TEX11: variants seen among roughly 807,000 people sequenced by gnomAD.
TEX11 encodes the protein testis expressed 11, also known as testis-expressed protein 11.
TEX11 carries 7 observed loss-of-function variants against 84.4 expected under a neutral mutation model. That is an observed-to-expected ratio of 0.08 (90% confidence interval 0.05 to 0.16). The LOEUF (loss-of-function observed/expected upper bound fraction) is 0.16, where lower values mean the gene tolerates loss of function less well. Among genes scored for constraint, TEX11 ranks in the 10% least tolerant of loss-of-function variants. The pLI is 1.00. For synonymous variants in TEX11, 264 were observed against 222.8 expected (o/e 1.18, Z -1.64); for missense variants, 551 against 660.5 (o/e 0.83, Z 1.82).
At chrX:70,745,791 C>T (rs1241552779) in intron 9 of TEX11, among the ~76,000 whole-genome samples, 1 of 111,948 alleles carries the variant, frequency 8.9e-6, no homozygotes, top group Non-Finnish European at 1.9e-5. Context: ...AACTACCAAA[C>T]TGAGTTTTCA....
chrX:70,710,176 T>C (rs1458178473), intron 13 of TEX11, among the ~76,000 whole-genome samples: 1 of 111,169 alleles, frequency 9.0e-6, no homozygotes, highest in East Asian at 2.8e-4. Flanking sequence ...AAATGACAAA[T>C]GTTAACATTG....
the TEX11 span, among the ~76,000 whole-genome samples, chrX:70,521,505 G>A: frequency 3.6e-5 from 4 of 111,397 alleles, no homozygotes; most frequent in Non-Finnish European, 5.6e-5. Flanking sequence ...TCGAACTCCT[G>A]ACCTCAGGTG....
At chrX:70,779,459 A>G (rs1319453480) in intron 9 of TEX11, among the ~76,000 whole-genome samples, 1 of 109,172 alleles carries the variant, frequency 9.2e-6, no homozygotes, top group Non-Finnish European at 1.9e-5. Context: ...AAATGCCTAC[A>G]TCAAAAAAGA....
intron 8 of TEX11, among the ~76,000 whole-genome samples, chrX:70,811,554 C>A (rs1039283147): frequency 9.0e-6 from 1 of 111,589 alleles, no homozygotes; most frequent in African/African-American, 3.3e-5. Context: ...AATGGGATGG[C>A]TGGGTCAAAT....
intron 25 of TEX11, among the ~76,000 whole-genome samples, chrX:70,573,862 G>T (rs952495142): frequency 1.8e-5 from 2 of 110,936 alleles, no homozygotes; most frequent in Non-Finnish European, 3.8e-5. Flanking sequence ...ATAATCCTCT[G>T]CTCTGCCAGC....
At chrX:70,529,809 T>C in intron 29 of TEX11, 26 bp downstream of exon 29, 1 of 1,186,365 alleles carries the variant, frequency 8.4e-7, no homozygotes, top group Non-Finnish European at 1.1e-6. Flanking sequence ...GGTCATGTCA[T>C]CTGCCCTAGC....
chrX:70,690,668 A>T (rs1301725230), intron 13 of TEX11, among the ~76,000 whole-genome samples: 1 of 111,712 alleles, frequency 9.0e-6, no homozygotes, highest in Non-Finnish European at 1.9e-5. Flanking sequence ...ATTGCACTCC[A>T]GCCTGGGTGC....
intron 4 of TEX11, among the ~76,000 whole-genome samples, chrX:70,864,542 C>T (rs2091587463): frequency 9.2e-6 from 1 of 108,135 alleles, no homozygotes; most frequent in Non-Finnish European, 1.9e-5. Flanking sequence ...TCGAGACCAG[C>T]CTGGCGAATA....
Position 70,907,767 on chromosome X carries a change from G to GA in TEX11, c.22dup (p.Ser8PhefsTer5). ...GAGCTACGTACCTTTAAAGTCCATG[G>GA]AAAAAAAATCATCATTGTCCATTTT... On this transcript the variant is annotated frameshift_variant, in exon 2 of 30. Transcript: ENST00000374333. LOFTEE classifies it high-confidence loss of function. The GA allele has an allele frequency of 8.4e-6, 10 of 1,185,436 alleles. No homozygotes were observed. The highest frequency in any genetic ancestry group is 1.1e-5 in the Non-Finnish European group (10 of 872,549).
chrX:70,758,189 C>T (rs1028014193), intron 9 of TEX11, among the ~76,000 whole-genome samples: 19 of 111,623 alleles, frequency 1.7e-4, no homozygotes, highest in Admixed American at 9.5e-5. Context: ...ACTTTAACAA[C>T]CCACTGTCAA....
chrX:70,662,970 A>G (rs1217935528), intron 16 of TEX11, among the ~76,000 whole-genome samples: 1 of 111,654 alleles, frequency 9.0e-6, no homozygotes, highest in African/African-American at 3.2e-5. Context: ...ATTGAACTAT[A>G]CCTAAAATGA....
chrX:70,644,524 A>T (rs1426130781), intron 17 of TEX11, among the ~76,000 whole-genome samples: 15 of 108,768 alleles, frequency 1.4e-4, no homozygotes, highest in Non-Finnish European at 2.1e-4. Context: ...AACCAACCCA[A>T]ATGTCCAACA....
chrX:70,542,572 C>A (rs2088059948), intron 28 of TEX11, among the ~76,000 whole-genome samples: 1 of 111,847 alleles, frequency 8.9e-6, no homozygotes, highest in Non-Finnish European at 1.9e-5. Flanking sequence ...ACAATAGCAG[C>A]ATTGTCTACT....
intron 13 of TEX11, among the ~76,000 whole-genome samples, chrX:70,708,064 G>A (rs1001767131): frequency 9.1e-6 from 1 of 110,265 alleles, no homozygotes; most frequent in African/African-American, 3.3e-5. Flanking sequence ...AAATCAACAA[G>A]CTTGTCAGAA....
intron 8 of TEX11, among the ~76,000 whole-genome samples, chrX:70,823,786 C>G (rs2091330872): frequency 9.0e-6 from 1 of 110,575 alleles, no homozygotes; most frequent in Admixed American, 9.7e-5. Flanking sequence ...GAAGGCAGAT[C>G]ACTTGAAATC....
chrX:70,840,755 C>G (rs1419265402), intron 7 of TEX11, among the ~76,000 whole-genome samples: 1 of 111,536 alleles, frequency 9.0e-6, no homozygotes, highest in Admixed American at 9.6e-5. Context: ...CAGAGACACA[C>G]ATAGGCTCAA....
intron 7 of TEX11, among the ~76,000 whole-genome samples, chrX:70,852,657 T>G (rs1036155121): frequency 8.9e-6 from 1 of 112,179 alleles, no homozygotes; most frequent in African/African-American, 3.2e-5. Context: ...AAAGCATCAA[T>G]AGACAACTCA....
At chrX:70,756,416 G>A (rs1411624580) in intron 9 of TEX11, among the ~76,000 whole-genome samples, 2 of 111,818 alleles carry the variant, frequency 1.8e-5, no homozygotes, top group Non-Finnish European at 3.8e-5. Flanking sequence ...AAAGCTTCCA[G>A]AGGAAGGATC....
chrX:70,784,415 G>A (rs945169421), intron 9 of TEX11, among the ~76,000 whole-genome samples: 2 of 111,396 alleles, frequency 1.8e-5, no homozygotes, highest in Non-Finnish European at 3.8e-5. Context: ...TTTGAAAACC[G>A]GCACAAGACA....
Sources: allele counts gnomAD v4.1 joint callset (sites outside exome capture counted in the v4.1 genomes callset), GRCh38; gene constraint gnomAD v4.1.1; transcripts MANE v1.5; gene names NCBI Gene and HGNC (gene_info 2026-07-23, HGNC 2026-07-21).